Variants in BBS12 observed in about 807,000 individuals in gnomAD.
BBS12 encodes the protein chaperonin-containing T-complex member BBS12.
In BBS12, 5 loss-of-function variants were observed where a neutral mutation model predicts 5.6. The ratio of observed to expected loss-of-function variants is 0.89; its 90% CI spans 0.46 to 1.86. The LOEUF (loss-of-function observed/expected upper bound fraction) is 1.86. Ranked by LOEUF, BBS12 falls within the 40% of genes most tolerant of loss-of-function variation. The pLI, the probability that BBS12 is intolerant of heterozygous loss-of-function variation, is 0.01. For missense variants in BBS12, 748 were observed against 830.4 expected (o/e 0.90, Z 1.22); for synonymous variants, 308 against 306.8 (o/e 1.00, Z -0.04).
the BBS12 span, among the ~76,000 whole-genome samples, chr4:122,719,222 C>T: frequency 5.9e-5 from 9 of 152,048 alleles, no homozygotes; most frequent in African/African-American, 9.7e-5. Context: ...AAATTGTAAA[C>T]GCACCAATCA....
At chr4:122,702,285 G>C in the BBS12 span, among the ~76,000 whole-genome samples, 3 of 152,162 alleles carry the variant, frequency 2.0e-5, no homozygotes, top group Admixed American at 6.5e-5. Flanking sequence ...CTGTTATCCA[G>C]ACTGGAGACC....
chr4:122,706,859 G>A, the BBS12 span, among the ~76,000 whole-genome samples: 3 of 152,068 alleles, frequency 2.0e-5, no homozygotes, highest in African/African-American at 7.2e-5. Context: ...TTCCATAAAC[G>A]TGCATTAACT....
Position 122,742,774 on chromosome 4 carries a change from T to C in BBS12, c.882T>C (p.Tyr294=), listed in dbSNP as rs766149148. Residue 294 remains tyrosine, a synonymous_variant, in exon 2 of 2, where the codon TAT becomes TAC. Transcript: ENST00000314218. ...TAGAAGAAGCAGTACAGCTGCAATA[T>C]CAGAATGCTTGTGTGCAACAAGGCA... ...KLVEEAVQLQ[Y]QNACVQQGNC... is the part of the protein sequence containing the mutation. 2.0e-5 allele frequency: 32 copies of C among 1,614,094 alleles called. 1 individual carries two copies. In the Admixed American group the frequency reaches 3.0e-4, roughly 15 times the overall value.
the BBS12 span, among the ~76,000 whole-genome samples, chr4:122,712,396 G>T: frequency 6.6e-6 from 1 of 152,202 alleles, no homozygotes; most frequent in Non-Finnish European, 1.5e-5. Context: ...CTCACAAAAG[G>T]CTATGATGGT....
chr4:122,742,922 C>G lies in BBS12; in HGVS notation c.1030C>G (p.Pro344Ala). 6.2e-7 allele frequency: 1 copy of G among 1,614,190 alleles called. No homozygotes were observed. The highest frequency in any genetic ancestry group is 8.5e-7 in the Non-Finnish European group (1 of 1,180,038). ...YITVVSVSNNPVIKELQNQPV... is the reference protein window; with the variant it reads ...YITVVSVSNNAVIKELQNQPV... Reference sequence around the variant, plus strand: ...CACTGTTGTGTCAGTATCTAATAATCCTGTGATCAAGGAATTGCAGAATCA... The same window carrying G: ...CACTGTTGTGTCAGTATCTAATAATGCTGTGATCAAGGAATTGCAGAATCA... Residue 344 changes from proline (P) to alanine (A), a missense_variant, in exon 2 of 2, where the codon CCT (proline) becomes GCT (alanine). Physicochemically the swap from Pro to Ala is conservative, Grantham distance 27 (BLOSUM62 -1). Transcript: ENST00000314218.
At chr4:122,705,544 T>C in the BBS12 span, among the ~76,000 whole-genome samples, 1 of 152,254 alleles carries the variant, frequency 6.6e-6, no homozygotes, top group Non-Finnish European at 1.5e-5. Context: ...AATGCTATTA[T>C]TTCTAAAATA....
chr4:122,733,287 A>G (rs1423039373), intron 1 of BBS12, among the ~76,000 whole-genome samples: 1 of 151,912 alleles, frequency 6.6e-6, no homozygotes, highest in South Asian at 2.1e-4. Context: ...ACATAGATAA[A>G]CGTTTTTACA....
At chr4:122,716,612 TGTATATGCAC>T in the BBS12 span, among the ~76,000 whole-genome samples, 2 of 109,872 alleles carry the variant, frequency 1.8e-5, no homozygotes, top group South Asian at 5.6e-4. Context: ...CACACATGTG[TGTATATGCAC>T]ATACACATAT....
intron 1 of BBS12, among the ~76,000 whole-genome samples, chr4:122,736,346 T>G (rs1800782806): frequency 1.3e-5 from 2 of 152,150 alleles, no homozygotes; most frequent in South Asian, 4.1e-4. Flanking sequence ...ACTTCTGTAT[T>G]GGGAATAGAC....
At chr4:122,723,773 G>T in the BBS12 span, among the ~76,000 whole-genome samples, 1 of 152,182 alleles carries the variant, frequency 6.6e-6, no homozygotes, top group South Asian at 2.1e-4. Context: ...GGCAGGTTCA[G>T]GGTGGCAGGA....
the BBS12 span, among the ~76,000 whole-genome samples, chr4:122,716,605 ACATGTG>A: frequency 6.5e-5 from 8 of 123,424 alleles, 1 homozygote; most frequent in South Asian, 4.7e-4. Context: ...ATGTATACAC[ACATGTG>A]TGTATATGCA....
rs565073445 is a variant in BBS12, at chr4:122,741,957, T to C, written c.65T>C (p.Phe22Ser). The stretch of plus-strand genomic sequence containing the variant: ...ATGGGACTTCAACAACTTTCATCAT[T>C]CGCGGAAACAGGAAGAACTTTCCTA... ...RHMGLQQLSSFAETGRTFLGP... is the reference protein window; with the variant it reads ...RHMGLQQLSSSAETGRTFLGP... Residue 22 changes from phenylalanine to serine, a missense_variant, in exon 2 of 2, where the codon TTC becomes TCC. Phe to Ser is a radical substitution (Grantham distance 155). Transcript: ENST00000314218. 2.9e-5 allele frequency: 47 copies of C among 1,613,618 alleles called. No homozygotes were observed. Among genetic ancestry groups the C allele is most frequent in the Admixed American group, 2.0e-4 (12 of 59,924 alleles).
At chr4:122,703,010 T>C in the BBS12 span, among the ~76,000 whole-genome samples, 1 of 152,212 alleles carries the variant, frequency 6.6e-6, no homozygotes, top group Non-Finnish European at 1.5e-5. Flanking sequence ...GTATAAAACT[T>C]TTATATTTAT....
the BBS12 span, among the ~76,000 whole-genome samples, chr4:122,710,584 G>A: frequency 2.6e-5 from 4 of 152,198 alleles, no homozygotes; most frequent in Non-Finnish European, 5.9e-5. Flanking sequence ...AAAGAAAAAG[G>A]CATGGATAGA....
rs148604293 is a variant in BBS12 at position 122,742,677 on chromosome 4, C to G, written c.785C>G (p.Thr262Ser). 14 of 1,614,236 alleles carry G rather than the reference C, an allele frequency of 8.7e-6. No individual in the cohort carries two copies. The East Asian group carries it at 2.5e-4, about 28-fold the overall frequency. ...GAACATGTTACAGCTACTCACAAAA[C>G]TTACAGATGTAATGATTTGGTAGAG... ...FQEHVTATHK[T>S]YRCNDLVELA... Residue 262 changes from threonine to serine, a missense_variant, in exon 2 of 2, where the codon ACT becomes AGT. Physicochemically the swap from Thr to Ser is moderately conservative, Grantham distance 58 (BLOSUM62 1). Transcript: ENST00000314218.
Position 122,743,028 on chromosome 4 carries a change from A to G in BBS12, c.1136A>G (p.Lys379Arg). The G allele has an allele frequency of 6.2e-7, 1 of 1,614,250 alleles. No individual in the cohort carries two copies. Among genetic ancestry groups the G allele is most frequent in the Non-Finnish European group, 8.5e-7 (1 of 1,180,050 alleles). ...HLGFNKSANI[K>R]TVLDSMRLQE... ...GGATTTAATAAGTCTGCAAATATTA[A>G]AACAGTATTAGATAGCATGCGGCTT... The change falls in exon 2 of 2, where the codon AAA becomes AGA. Residue 379 changes from lysine (K) to arginine (R), a missense_variant. Transcript: ENST00000314218.
chr4:122,736,611 C>T (rs1800787296), intron 1 of BBS12, among the ~76,000 whole-genome samples: 1 of 152,098 alleles, frequency 6.6e-6, no homozygotes, highest in South Asian at 2.1e-4. Flanking sequence ...CTGGCAAGTA[C>T]TGAAAACAGA....
chr4:122,726,951 G>A, the BBS12 span, among the ~76,000 whole-genome samples: 1 of 152,180 alleles, frequency 6.6e-6, no homozygotes, highest in Non-Finnish European at 1.5e-5. Flanking sequence ...GGGGACTCAG[G>A]GAAAAGTGTG....
chr4:122,711,874 T>C, the BBS12 span, among the ~76,000 whole-genome samples: 28 of 152,214 alleles, frequency 1.8e-4, no homozygotes, highest in Non-Finnish European at 3.8e-4. Flanking sequence ...GATTATTGTG[T>C]GAGTCTGAGT....
Sources: gnomAD v4.1 joint callset for allele counts (sites outside exome capture counted in the v4.1 genomes callset) on GRCh38, gnomAD v4.1.1 for gene constraint, MANE v1.5 for transcripts, NCBI Gene and HGNC (gene_info 2026-07-23, HGNC 2026-07-21) for gene names.